INPP5F: variants seen among roughly 807,000 people sequenced by gnomAD.
INPP5F encodes the protein phosphatidylinositide 4-phosphatase SAC2.
In INPP5F, 97 loss-of-function variants were observed where a neutral mutation model predicts 137.2. The observed-to-expected ratio is 0.71, with a 90% CI of 0.60 to 0.84. The LOEUF (loss-of-function observed/expected upper bound fraction) is 0.84, where lower values mean the gene tolerates loss of function less well. Ranked by LOEUF, INPP5F falls within the 40% of genes least tolerant of loss-of-function variation. The pLI, the probability that INPP5F is intolerant of heterozygous loss-of-function variation, is 0.00. For missense variants in INPP5F, 1,271 were observed against 1,371.9 expected, an observed-to-expected ratio of 0.93 and a Z score of 1.16; for synonymous variants, 504 against 476.9, an observed-to-expected ratio of 1.06 and a Z score of -0.74.
At chr10:119,783,228 C>T (rs1241602421) in intron 3 of INPP5F, among the ~76,000 whole-genome samples, 1 of 152,086 alleles carries the variant, frequency 6.6e-6, no homozygotes, top group African/African-American at 2.4e-5. Context: ...TTGTTAGTTT[C>T]CTAAGCCAGT....
intron 2 of INPP5F, among the ~76,000 whole-genome samples, chr10:119,771,286 C>T (rs1431791028): frequency 1.7e-4 from 26 of 152,144 alleles, no homozygotes; most frequent in Non-Finnish European, 1.0e-4. Context: ...CATGTATCAG[C>T]ACTTCATTCC....
intron 15 of INPP5F, 75 bp from the exon 16 acceptor site, chr10:119,820,771 T>C (rs943256707): frequency 8.2e-7 from 1 of 1,216,142 alleles, no homozygotes; most frequent in African/African-American, 1.5e-5. Context: ...TAAGTAGCTC[T>C]GCTGTAGAAA....
rs79445528 is a variant in INPP5F, at chr10:119,826,460, A to G, written c.2250-171A>G. 1.6e-3 allele frequency among the ~76,000 whole-genome samples: 251 copies of G among 152,342 alleles called. 1 individual carries two copies. The highest frequency in any genetic ancestry group is 5.6e-3 in the African/African-American group (233 of 41,586). On this transcript the variant is annotated intron_variant, in intron 19 of 19. Transcript: ENST00000650623. ...TTATGCATGTATTTCATATATTTCT[A>G]TTGGATAGCACTGTTTTAATGTCAA...
intron 9 of INPP5F, chr10:119,799,418 G>A: frequency 3.5e-6 from 1 of 287,344 alleles, no homozygotes; most frequent in Non-Finnish European, 7.0e-6. Context: ...CAGAAAACCT[G>A]ACTTAAGTGG....
At chr10:119,743,872 T>C (rs1485431204) in intron 1 of INPP5F, among the ~76,000 whole-genome samples, 1 of 152,158 alleles carries the variant, frequency 6.6e-6, no homozygotes, top group Non-Finnish European at 1.5e-5. Flanking sequence ...AAACCAGTTA[T>C]TACGTCCTGA....
At chr10:119,818,489 G>A (rs928825217) in intron 15 of INPP5F, among the ~76,000 whole-genome samples, 9 of 152,234 alleles carry the variant, frequency 5.9e-5, no homozygotes, top group African/African-American at 1.7e-4. Context: ...CCCTCCAGCC[G>A]CAGGCACTGT....
At position 119,826,840 on chromosome 10, in the gene INPP5F, TA is replaced by T; in HGVS notation, c.2463del (p.Val822Ter). On this transcript the variant is annotated frameshift_variant, in exon 20 of 20. Coordinates refer to ENST00000650623, the MANE Select transcript of INPP5F (RefSeq NM_014937.4). LOFTEE classifies it high-confidence loss of function. ...EMKVNFLKPN[L>X]KVNLWKSDSS... ...AAAGTTAACTTTCTAAAACCAAACTTAAAAGTAAATCTTTGGAAATCAGATA... is the reference window on the plus strand; with the variant it reads ...AAAGTTAACTTTCTAAAACCAAACTTAAAGTAAATCTTTGGAAATCAGATA... The T allele has an allele frequency of 6.2e-7, 1 of 1,613,550 alleles. No individual in the cohort carries two copies. Among genetic ancestry groups the T allele is most frequent in the Non-Finnish European group, 8.5e-7 (1 of 1,179,764 alleles).
chr10:119,772,557 A>T (rs1564820579), intron 2 of INPP5F, among the ~76,000 whole-genome samples: 2 of 152,054 alleles, frequency 1.3e-5, no homozygotes. Flanking sequence ...AAGCCTGTTC[A>T]TTTTATGACT....
intron 6 of INPP5F, among the ~76,000 whole-genome samples, chr10:119,795,544 A>G (rs1197722927): frequency 6.8e-6 from 1 of 146,192 alleles, no homozygotes; most frequent in Non-Finnish European, 1.5e-5. Flanking sequence ...GGCGCTCCTC[A>G]CTTCCTAGAT....
intron 4 of INPP5F, 31 bp from the exon 5 acceptor site, chr10:119,791,838 T>A (rs759630766): frequency 4.0e-6 from 6 of 1,515,920 alleles, no homozygotes; most frequent in Admixed American, 2.0e-5. Flanking sequence ...ACATTTAATT[T>A]CTGTAGTAAT....
At chr10:119,826,499 C>T (rs183698090) in intron 19 of INPP5F, 132 bp from the exon 20 acceptor site, 1 of 691,678 alleles carries the variant, frequency 1.4e-6, no homozygotes, top group Non-Finnish European at 2.5e-6. Context: ...TGAGGGTTAT[C>T]TGTCAGTTAG....
At chr10:119,806,538 G>A (rs1850796322) in intron 12 of INPP5F, 58 bp downstream of exon 12, 22 of 1,475,310 alleles carry the variant, frequency 1.5e-5, no homozygotes, top group Non-Finnish European at 2.0e-5. Flanking sequence ...TTTTTTCCAT[G>A]AGTAAGCAAA....
intron 1 of INPP5F, among the ~76,000 whole-genome samples, chr10:119,745,246 CT>C (rs1848496035): frequency 6.6e-6 from 1 of 152,108 alleles, no homozygotes; most frequent in Admixed American, 6.5e-5. Context: ...CTTTTGAGGA[CT>C]TTCATGTTCA....
intron 14 of INPP5F, among the ~76,000 whole-genome samples, chr10:119,811,025 A>C (rs1169521162): frequency 6.6e-6 from 1 of 152,198 alleles, no homozygotes; most frequent in Admixed American, 6.5e-5. Flanking sequence ...TGACTACAGA[A>C]TTGGATTTTA....
At chr10:119,728,437 CTT>C (rs200172046) in intron 1 of INPP5F, among the ~76,000 whole-genome samples, 6,347 of 152,246 alleles carry the variant, frequency 0.042, 235 homozygotes, top group South Asian at 0.22. Flanking sequence ...TTAAAATTCT[CTT>C]TATTTTATTG....
chr10:119,769,492 A>G (rs1448422748), intron 2 of INPP5F, among the ~76,000 whole-genome samples: 4 of 152,130 alleles, frequency 2.6e-5, no homozygotes, highest in Non-Finnish European at 5.9e-5. Flanking sequence ...AGCTGGTACA[A>G]AATGATTTCT....
chr10:119,821,701 C>T (rs1851567526), intron 16 of INPP5F, among the ~76,000 whole-genome samples: 1 of 149,590 alleles, frequency 6.7e-6, no homozygotes, highest in Admixed American at 6.6e-5. Context: ...CTTTCTCCCT[C>T]CTCTCTCTCT....
At chr10:119,820,622 G>A (rs1311812831) in intron 15 of INPP5F, among the ~76,000 whole-genome samples, 3 of 151,798 alleles carry the variant, frequency 2.0e-5, no homozygotes, top group Admixed American at 1.3e-4. Context: ...CTTTCTCTAC[G>A]CTCCATCCCT....
rs1363004237 is a variant in INPP5F, at chr10:119,806,282, A to C, written c.1320-78A>C. The C allele has an allele frequency of 2.8e-5, 29 of 1,044,320 alleles. No individual in the cohort carries two copies. The South Asian group carries it at 5.5e-4, about 20-fold the overall frequency. 64.7% of individuals were successfully genotyped at this position (1,044,320 alleles called of 1,614,324 possible). On this transcript the variant is annotated intron_variant, in intron 11 of 19. Transcript: ENST00000650623. The stretch of plus-strand genomic sequence containing the variant: ...TACAGCCAGTGCTGCTGTTTTATTG[A>C]TATACTTTAAAGAATTGTGTCTTTT...
Sources: allele counts gnomAD v4.1 joint callset (sites outside exome capture counted in the v4.1 genomes callset), GRCh38; gene constraint gnomAD v4.1.1; transcripts MANE v1.5; gene names NCBI Gene and HGNC (gene_info 2026-07-23, HGNC 2026-07-21).